Variants in UST observed in about 807,000 individuals in gnomAD.
UST encodes the protein uronyl 2-sulfotransferase, also known as chondroitin sulfate 2-O-sulfotransferase.
UST carries 21 observed loss-of-function variants against 45.6 expected under a neutral mutation model. The observed-to-expected ratio is 0.46, with a 90% CI of 0.33 to 0.66. The LOEUF is 0.66. Among genes scored for constraint, UST ranks in the 30% least tolerant of loss-of-function variants. UST has a pLI of 0.02. For synonymous variants in UST, 215 were observed against 200.6 expected (o/e 1.07, Z -0.61); for missense variants, 463 against 512.4 (o/e 0.90, Z 0.93).
chr6:148,995,948 C>T (rs780968040), intron 5 of UST, among the ~76,000 whole-genome samples: 2 of 152,204 alleles, frequency 1.3e-5, no homozygotes, highest in Non-Finnish European at 2.9e-5. Flanking sequence ...TTGGTAATTG[C>T]TGTCCCAGCT....
chr6:148,791,304 C>T (rs1400372047), intron 1 of UST, among the ~76,000 whole-genome samples: 1 of 152,184 alleles, frequency 6.6e-6, no homozygotes, highest in Non-Finnish European at 1.5e-5. Context: ...TATGGATGAG[C>T]ATTGGTCACC....
intron 2 of UST, among the ~76,000 whole-genome samples, chr6:148,909,975 G>C (rs992038555): frequency 2.6e-5 from 4 of 152,058 alleles, no homozygotes; most frequent in Non-Finnish European, 5.9e-5. Context: ...AATAGGAACT[G>C]TTCTGCATTG....
At chr6:148,958,993 T>C (rs1452301239) in intron 4 of UST, 1 of 152,284 alleles carries the variant, frequency 6.6e-6, no homozygotes, top group African/African-American at 2.4e-5. Flanking sequence ...TTTGCTTCCA[T>C]TTCTGTCTTC....
chr6:148,749,474 C>T (rs1171330676), intron 1 of UST, among the ~76,000 whole-genome samples: 2 of 151,938 alleles, frequency 1.3e-5, no homozygotes, highest in Non-Finnish European at 2.9e-5. Flanking sequence ...TGCTCATTGT[C>T]CTCAAAGCAC....
intron 1 of UST, among the ~76,000 whole-genome samples, chr6:148,830,689 G>A (rs1307348515): frequency 6.6e-6 from 1 of 152,226 alleles, no homozygotes; most frequent in Non-Finnish European, 1.5e-5. Context: ...ATTACGCTAA[G>A]TGAAAGGAGC....
intron 1 of UST, among the ~76,000 whole-genome samples, chr6:148,867,285 T>TACACACACACAC (rs58093813): frequency 7.3e-5 from 10 of 136,740 alleles, no homozygotes; most frequent in East Asian, 7.1e-4. Flanking sequence ...CATTGTTGAA[T>TACACACACACAC]ACACACACAC....
intron 2 of UST, among the ~76,000 whole-genome samples, chr6:148,895,592 A>C (rs925965240): frequency 3.3e-5 from 5 of 152,268 alleles, no homozygotes; most frequent in African/African-American, 1.2e-4. Context: ...GTGTTGTGGG[A>C]GGTAGCCAGT....
At chr6:148,769,003 G>T (rs1031594045) in intron 1 of UST, among the ~76,000 whole-genome samples, 21 of 152,340 alleles carry the variant, frequency 1.4e-4, no homozygotes, top group Non-Finnish European at 2.8e-4. Flanking sequence ...CATGGCCACT[G>T]TCCTCCCTGG....
intron 7 of UST, among the ~76,000 whole-genome samples, chr6:149,030,324 T>C (rs1229185971): frequency 6.6e-6 from 1 of 152,180 alleles, no homozygotes. Flanking sequence ...ATAGTATGTA[T>C]TGCCATTAAA....
chr6:149,012,241 C>A (rs1007934469), intron 5 of UST, among the ~76,000 whole-genome samples: 1 of 152,322 alleles, frequency 6.6e-6, no homozygotes, highest in South Asian at 2.1e-4. Flanking sequence ...ATCTGGCCAT[C>A]TGCCACTTTC....
intron 3 of UST, among the ~76,000 whole-genome samples, chr6:148,949,709 C>T (rs1409730687): frequency 2.0e-5 from 3 of 152,140 alleles, no homozygotes; most frequent in African/African-American, 7.2e-5. Context: ...AGCTTCATTT[C>T]ATAAATATTT....
At position 148,747,406 on chromosome 6, in the gene UST, G is replaced by A; in HGVS notation, c.-25G>A. 1 of 1,389,170 alleles carries A rather than the reference G, an allele frequency of 7.2e-7. No homozygotes were observed. The highest frequency in any genetic ancestry group is 1.7e-5 in the South Asian group (1 of 60,466). The allele number at this position is 1,389,170 out of a possible 1,614,324, so 86.1% of individuals were successfully genotyped here. On this transcript the variant is annotated 5_prime_UTR_variant, in exon 1 of 8. Coordinates refer to ENST00000367463, the MANE Select transcript of UST (RefSeq NM_005715.3). ...GGTGACCTTTTCCTGGCACGGGCAGGCTGTGGGAGGCAGCGGAGCAGGCGA... is the reference window on the plus strand; with the variant it reads ...GGTGACCTTTTCCTGGCACGGGCAGACTGTGGGAGGCAGCGGAGCAGGCGA...
intron 5 of UST, among the ~76,000 whole-genome samples, chr6:148,965,559 G>T (rs1387544793): frequency 6.6e-6 from 1 of 152,174 alleles, no homozygotes; most frequent in Admixed American, 6.5e-5. Context: ...GAATCTCAGG[G>T]CCACGGCCAG....
In UST at chr6:148,934,374, C is replaced by A. The variant is rs1283622439; in HGVS notation, c.292-6905C>A. The stretch of plus-strand genomic sequence containing the variant: ...AAAAATCATGAACTGCAGTTTTATT[C>A]GTCAAGCAAAGTCATTTCACAGTCA... On this transcript the variant is annotated intron_variant, in intron 2 of 7. Coordinates refer to ENST00000367463, the MANE Select transcript of UST (RefSeq NM_005715.3). The surrounding 1 kb of genome is among the most constrained non-coding windows in gnomAD (Gnocchi z 4.1). Among the ~76,000 whole-genome samples, 1 of 152,146 alleles carries A rather than the reference C, an allele frequency of 6.6e-6. No individual in the cohort carries two copies. The highest frequency in any genetic ancestry group is 2.1e-4 in the South Asian group (1 of 4,824).
intron 1 of UST, among the ~76,000 whole-genome samples, chr6:148,838,564 G>A (rs1379056503): frequency 1.3e-5 from 2 of 152,034 alleles, no homozygotes; most frequent in Admixed American, 6.6e-5. Flanking sequence ...GTCCATAGAC[G>A]TCACTGTCAG....
chr6:149,035,303 T>C (rs529187287), intron 7 of UST, among the ~76,000 whole-genome samples: 57 of 152,368 alleles, frequency 3.7e-4, no homozygotes, highest in African/African-American at 1.4e-3. Context: ...CTAAAAATTA[T>C]AGACATTGGT....
At chr6:148,985,081 A>G (rs1781215341) in intron 5 of UST, among the ~76,000 whole-genome samples, 1 of 152,316 alleles carries the variant, frequency 6.6e-6, no homozygotes, top group East Asian at 1.9e-4. Flanking sequence ...ATGTGCAGGA[A>G]AAATAAATTC....
At chr6:148,964,609 A>G (rs1161026667) in intron 5 of UST, 46 bp downstream of exon 5, 1 of 1,603,802 alleles carries the variant, frequency 6.2e-7, no homozygotes, top group Admixed American at 1.7e-5. Context: ...CTGCCTGAGG[A>G]GTGGGCCCTC....
At chr6:148,865,763 A>T (rs1055217133) in intron 1 of UST, among the ~76,000 whole-genome samples, 1 of 151,568 alleles carries the variant, frequency 6.6e-6, no homozygotes, top group Non-Finnish European at 1.5e-5. Context: ...TGAAAAATGG[A>T]CTTAAGAAAG....
Sources: allele counts gnomAD v4.1 joint callset (sites outside exome capture counted in the v4.1 genomes callset), GRCh38; gene constraint gnomAD v4.1.1; non-coding constraint Gnocchi (gnomAD v3.1); transcripts MANE v1.5; gene names NCBI Gene and HGNC (gene_info 2026-07-23, HGNC 2026-07-21).